Variants in ESRRB observed in about 807,000 individuals in gnomAD.
ESRRB encodes the protein estrogen related receptor beta, also known as steroid hormone receptor ERR2.
ESRRB carries 16 observed loss-of-function variants against 46.0 expected under a neutral mutation model. The ratio of observed to expected loss-of-function variants is 0.35; its 90% CI spans 0.24 to 0.53. The LOEUF (loss-of-function observed/expected upper bound fraction) is 0.53, where lower values mean the gene tolerates loss of function less well. Among genes scored for constraint, ESRRB ranks in the 20% least tolerant of loss-of-function variants. The pLI is 0.93. For missense variants in ESRRB, 488 were observed against 607.4 expected (o/e 0.80, Z 2.07); for synonymous variants, 246 against 259.6 (o/e 0.95, Z 0.50).
At position 76,376,256 on chromosome 14, in the gene ESRRB, C is replaced by G; in HGVS notation, c.-146C>G. 3 of 479,390 alleles carry G rather than the reference C, an allele frequency of 6.3e-6. No homozygotes were observed. The highest frequency in any genetic ancestry group is 1.0e-5 in the Non-Finnish European group (3 of 300,930). 29.7% of individuals were successfully genotyped at this position (479,390 alleles called of 1,614,324 possible). A position where few individuals can be genotyped will look rare whatever the true frequency, so the allele number is the denominator to read the frequency against. ...GCACGGCTCTCTGCCTCCCTCTCCCCCGCCGCGGCCGCCTCCTCCCACTCT... is the reference window on the plus strand; with the variant it reads ...GCACGGCTCTCTGCCTCCCTCTCCCGCGCCGCGGCCGCCTCCTCCCACTCT... On this transcript the variant is annotated 5_prime_UTR_variant, in exon 1 of 7. Coordinates refer to ENST00000644823, the MANE Select transcript of ESRRB (RefSeq NM_001379180.1). This position sits in a 1 kb window ranked among gnomAD's most constrained non-coding sequence, Gnocchi z 4.1.
At chr14:76,328,394 C>T (rs1224578874) in intron 1 of ESRRB, among the ~76,000 whole-genome samples, 3 of 152,318 alleles carry the variant, frequency 2.0e-5, no homozygotes, top group African/African-American at 4.8e-5. Context: ...CCCCCTGAGT[C>T]GGGGACCAGG....
intron 1 of ESRRB, among the ~76,000 whole-genome samples, 174 bp from the exon 2 acceptor site, chr14:76,439,167 A>G (rs1887800518): frequency 6.6e-6 from 1 of 152,218 alleles, no homozygotes; most frequent in Non-Finnish European, 1.5e-5. Flanking sequence ...AGGTAATGCC[A>G]GAAACTTGCT....
intron 2 of ESRRB, among the ~76,000 whole-genome samples, chr14:76,458,107 C>T (rs761895341): frequency 6.6e-6 from 1 of 152,160 alleles, no homozygotes; most frequent in Non-Finnish European, 1.5e-5. Context: ...ATACTGAATA[C>T]ACTCCCAGGT....
At chr14:76,420,144 G>A (rs1886879051) in intron 1 of ESRRB, among the ~76,000 whole-genome samples, 1 of 152,266 alleles carries the variant, frequency 6.6e-6, no homozygotes, top group South Asian at 2.1e-4. Flanking sequence ...ACCAGCATGA[G>A]CAAATGAGCA....
chr14:76,438,207 C>T (rs1887757684), intron 1 of ESRRB, among the ~76,000 whole-genome samples: 1 of 152,114 alleles, frequency 6.6e-6, no homozygotes, highest in Non-Finnish European at 1.5e-5. Context: ...AAAGGGCAGC[C>T]AATCTGGCTG....
chr14:76,462,624 C>T lies in ESRRB; in HGVS notation c.540C>T (p.Arg180=). 6.2e-7 allele frequency: 1 copy of T among 1,614,024 alleles called. No individual in the cohort carries two copies. Among genetic ancestry groups the T allele is most frequent in the Non-Finnish European group, 8.5e-7 (1 of 1,179,942 alleles). The change falls in exon 3 of 7, where the codon CGC becomes CGT. Residue 180 remains arginine (R), a synonymous_variant. Coordinates refer to ENST00000644823, the MANE Select transcript of ESRRB (RefSeq NM_001379180.1). The part of the protein sequence containing the change: ...KRRRKSCQAC[R]FMKCLKVGML... ...GGCGCAAGTCCTGCCAGGCCTGCCG[C>T]TTCATGAAATGCCTCAAAGTGGGGA...
intron 3 of ESRRB, among the ~76,000 whole-genome samples, chr14:76,467,643 G>A (rs960841416): frequency 6.6e-6 from 1 of 152,108 alleles, no homozygotes; most frequent in Non-Finnish European, 1.5e-5. Flanking sequence ...ATTTGTTGGT[G>A]GGAATCTTAA....
At chr14:76,497,066 T>A (rs1440294066) in intron 6 of ESRRB, among the ~76,000 whole-genome samples, 1 of 151,544 alleles carries the variant, frequency 6.6e-6, no homozygotes, top group Admixed American at 6.6e-5. Context: ...CGGGGGAGGA[T>A]GGAGAGGGCG....
At chr14:76,433,763 G>T (rs903044482) in intron 1 of ESRRB, among the ~76,000 whole-genome samples, 2 of 152,124 alleles carry the variant, frequency 1.3e-5, no homozygotes, top group Non-Finnish European at 2.9e-5. Flanking sequence ...GACACTTCCT[G>T]ACTGCTAAGT....
chr14:76,406,024 G>A (rs1433846830), intron 1 of ESRRB, among the ~76,000 whole-genome samples: 1 of 152,160 alleles, frequency 6.6e-6, no homozygotes, highest in African/African-American at 2.4e-5. Context: ...GTGCTTTGTG[G>A]ACATTTAATT....
In ESRRB at chr14:76,499,098, C is replaced by A. The variant is rs1890557362; in HGVS notation, c.*640C>A. Reference sequence around the variant, plus strand: ...CACCCCACCCCTCGGGGCCTACCCCCCTGCCTGTCACCCACCGCGCCGGTG... The same window carrying A: ...CACCCCACCCCTCGGGGCCTACCCCACTGCCTGTCACCCACCGCGCCGGTG... On this transcript the variant is annotated 3_prime_UTR_variant, in exon 7 of 7. Transcript: ENST00000644823. The A allele has an allele frequency of 6.0e-6, 2 of 332,710 alleles. No homozygotes were observed. The highest frequency in any genetic ancestry group is 4.7e-5 in the South Asian group (2 of 42,736). 20.6% of individuals were successfully genotyped at this position (332,710 alleles called of 1,614,324 possible). A position where few individuals can be genotyped will look rare whatever the true frequency, so the allele number is the denominator to read the frequency against.
At chr14:76,440,622 C>T (rs1181824771) in intron 2 of ESRRB, among the ~76,000 whole-genome samples, 1 of 151,698 alleles carries the variant, frequency 6.6e-6, no homozygotes, top group African/African-American at 2.4e-5. Context: ...CTGTCTGGAT[C>T]CCAGTTTGAC....
At chr14:76,397,171 G>A (rs1373233535) in intron 1 of ESRRB, among the ~76,000 whole-genome samples, 1 of 152,200 alleles carries the variant, frequency 6.6e-6, no homozygotes, top group Admixed American at 6.5e-5. Flanking sequence ...ATTTCTCATT[G>A]TTATTCCTTT....
At chr14:76,357,401 G>A (rs897264234) in intron 1 of ESRRB, among the ~76,000 whole-genome samples, 1 of 152,234 alleles carries the variant, frequency 6.6e-6, no homozygotes, top group African/African-American at 2.4e-5. Context: ...TGAGACATGA[G>A]GAGGTTCATT....
rs1030628433 is a variant in ESRRB, at chr14:76,354,588, C to G, written c.2+43672C>G. 2.0e-5 allele frequency among the ~76,000 whole-genome samples: 3 copies of G among 151,454 alleles called. No individual in the cohort carries two copies. The East Asian group carries it at 5.8e-4, about 30-fold the overall frequency. On this transcript the variant is annotated intron_variant, in intron 1 of 6. Coordinates refer to the ESRRB transcript ENST00000512784. ...TTACCACAGTCCCTTGTTCTGTGCT[C>G]AGTGTCTTAGGCCAAAGGCTTCTGA...
Position 76,333,079 on chromosome 14 carries a change from ATT to A in ESRRB, c.2+22164_2+22165del, listed in dbSNP as rs1168623908. 2.7e-4 allele frequency among the ~76,000 whole-genome samples: 2 copies of A among 7,292 alleles called. 1 individual carries two copies. Among genetic ancestry groups the A allele is most frequent in the Non-Finnish European group, 4.8e-4 (2 of 4,196 alleles). 4.8% of individuals were successfully genotyped at this position (7,292 alleles called of 152,430 possible). ...ATATTATATATTATATATTATATAT[ATT>A]ATTTATATTATATATTATATATAAT... On this transcript the variant is annotated intron_variant, in intron 1 of 6. Coordinates refer to the ESRRB transcript ENST00000512784.
intron 3 of ESRRB, among the ~76,000 whole-genome samples, chr14:76,466,469 C>T (rs1433714818): frequency 6.6e-6 from 1 of 152,116 alleles, no homozygotes; most frequent in Non-Finnish European, 1.5e-5. Flanking sequence ...TTTTCAGATT[C>T]CTCACGTGGC....
intron 1 of ESRRB, among the ~76,000 whole-genome samples, chr14:76,312,101 G>T (rs1364496857): frequency 1.3e-5 from 2 of 150,260 alleles, no homozygotes. Context: ...ATATGACTGA[G>T]GACTCCTTGA....
chr14:76,478,052 T>C (rs1889650628), intron 3 of ESRRB, among the ~76,000 whole-genome samples: 1 of 152,234 alleles, frequency 6.6e-6, no homozygotes, highest in East Asian at 1.9e-4. Context: ...TCATTATTCA[T>C]GTGATTTACC....
Sources: gnomAD v4.1 joint callset for allele counts (sites outside exome capture counted in the v4.1 genomes callset) on GRCh38, gnomAD v4.1.1 for gene constraint, Gnocchi (gnomAD v3.1) non-coding constraint, MANE v1.5 for transcripts, NCBI Gene and HGNC (gene_info 2026-07-23, HGNC 2026-07-21) for gene names.